The following TCERG1L variants were observed in gnomAD, a reference collection of about 807,000 sequenced individuals.
TCERG1L encodes transcription elongation regulator 1-like protein.
Under a neutral mutation model 56.3 loss-of-function variants are expected in TCERG1L, and 37 were observed. The ratio of observed to expected loss-of-function variants is 0.66; its 90% confidence interval spans 0.51 to 0.87. The LOEUF (loss-of-function observed/expected upper bound fraction) is 0.87. Ranked by LOEUF, TCERG1L falls within the 40% of genes least tolerant of loss-of-function variation. The probability of loss-of-function intolerance (pLI) is 0.00; values close to 1 mark genes in which losing one functional copy is unlikely to be tolerated. For missense variants in TCERG1L, 799 were observed against 774.2 expected, an observed-to-expected ratio of 1.03 and a Z score of -0.38; for synonymous variants, 324 against 326.3, an observed-to-expected ratio of 0.99 and a Z score of 0.08.
chr10:131,122,544 C>G (rs1185396039), intron 8 of TCERG1L, among the ~76,000 whole-genome samples: 2 of 152,224 alleles, frequency 1.3e-5, no homozygotes, highest in African/African-American at 4.8e-5. Context: ...ATACTGGCAG[C>G]AAGACAAATG....
intron 3 of TCERG1L, among the ~76,000 whole-genome samples, chr10:131,306,388 G>T (rs1846818735): frequency 6.6e-6 from 1 of 151,368 alleles, no homozygotes; most frequent in Non-Finnish European, 1.5e-5. Context: ...AATTAAAATT[G>T]TAGGTGTTAT....
chr10:131,288,057 C>T (rs920385412), intron 3 of TCERG1L, among the ~76,000 whole-genome samples: 1 of 152,178 alleles, frequency 6.6e-6, no homozygotes, highest in Non-Finnish European at 1.5e-5. Context: ...TTTGGATGTG[C>T]TTCTCCATAG....
At chr10:131,283,155 G>A (rs1002951039) in intron 3 of TCERG1L, among the ~76,000 whole-genome samples, 3 of 152,250 alleles carry the variant, frequency 2.0e-5, no homozygotes, top group Admixed American at 1.3e-4. Context: ...GGTTCTCTGA[G>A]AGGCTCTCCA....
chr10:131,201,118 C>T (rs146787825), intron 4 of TCERG1L, among the ~76,000 whole-genome samples: 152 of 152,318 alleles, frequency 1.0e-3, no homozygotes, highest in African/African-American at 3.1e-3. Flanking sequence ...ACACATGAAA[C>T]GTGGAGGGGA....
chr10:131,111,054 A>T (rs1428744256), intron 9 of TCERG1L, among the ~76,000 whole-genome samples: 1 of 143,518 alleles, frequency 7.0e-6, no homozygotes, highest in Non-Finnish European at 1.6e-5. Flanking sequence ...AAAAGGGCGA[A>T]AGCTAGCAAA....
At chr10:131,099,485 G>C (rs1285258375) in intron 10 of TCERG1L, among the ~76,000 whole-genome samples, 1 of 152,166 alleles carries the variant, frequency 6.6e-6, no homozygotes, top group African/African-American at 2.4e-5. Context: ...AGTCCACATA[G>C]GATCCTATCA....
intron 10 of TCERG1L, among the ~76,000 whole-genome samples, chr10:131,099,314 A>G (rs1300192552): frequency 6.6e-6 from 1 of 152,270 alleles, no homozygotes; most frequent in Non-Finnish European, 1.5e-5. Flanking sequence ...TGTCAGGGTA[A>G]GATAGATCAT....
chr10:131,121,462 T>A (rs972890610), intron 8 of TCERG1L, among the ~76,000 whole-genome samples: 5 of 152,252 alleles, frequency 3.3e-5, no homozygotes, highest in African/African-American at 1.2e-4. Context: ...TTCATCCTGA[T>A]GAAATATTTA....
chr10:131,259,247 A>G (rs1247256571), intron 4 of TCERG1L, among the ~76,000 whole-genome samples: 1 of 152,242 alleles, frequency 6.6e-6, no homozygotes, highest in Non-Finnish European at 1.5e-5. Flanking sequence ...TCTTTCTACC[A>G]TAAAGTAGTA....
chr10:131,295,102 C>A (rs1449420845), intron 3 of TCERG1L, among the ~76,000 whole-genome samples: 1 of 151,888 alleles, frequency 6.6e-6, no homozygotes, highest in African/African-American at 2.4e-5. Context: ...ATCCTGAATG[C>A]CTTCACTGGC....
At chr10:131,229,958 C>T (rs778759220) in intron 4 of TCERG1L, among the ~76,000 whole-genome samples, 150 of 152,278 alleles carry the variant, frequency 9.9e-4, no homozygotes, top group African/African-American at 1.9e-3. Flanking sequence ...TGTACAAGGA[C>T]GAGGCAGCTT....
intron 4 of TCERG1L, among the ~76,000 whole-genome samples, chr10:131,207,815 G>A (rs1360251829): frequency 1.3e-5 from 2 of 152,138 alleles, no homozygotes; most frequent in South Asian, 2.1e-4. Flanking sequence ...CCGAGCGGGT[G>A]GTCCCTGACA....
rs80221372 is a variant in TCERG1L at position 131,146,148 on chromosome 10, T to C, written c.1189+358A>G. On this transcript the variant is annotated intron_variant, in intron 7 of 11. Coordinates refer to ENST00000368642, the MANE Select transcript of TCERG1L (RefSeq NM_174937.4). The stretch of plus-strand genomic sequence containing the variant: ...TAAGGTGGAAGAAAACACACTCCCA[T>C]CTGCGTACATCTGGTCTCTGAAGTG... 8.5e-5 allele frequency among the ~76,000 whole-genome samples: 13 copies of C among 152,308 alleles called. No homozygotes were observed. In the East Asian group the frequency reaches 1.9e-3, roughly 23 times the overall value.
chr10:131,242,485 G>A (rs936644981), intron 4 of TCERG1L, among the ~76,000 whole-genome samples: 35 of 152,268 alleles, frequency 2.3e-4, no homozygotes, highest in Admixed American at 1.1e-3. Context: ...TGGTCAAGGT[G>A]CGGGTTTCAC....
chr10:131,189,297 G>C (rs1179669232), intron 4 of TCERG1L, among the ~76,000 whole-genome samples: 1 of 152,126 alleles, frequency 6.6e-6, no homozygotes, highest in Admixed American at 6.6e-5. Context: ...CACACAGTGT[G>C]CCCATTACAT....
intron 4 of TCERG1L, among the ~76,000 whole-genome samples, chr10:131,206,065 T>C (rs541546554): frequency 6.6e-6 from 1 of 152,218 alleles, no homozygotes; most frequent in African/African-American, 2.4e-5. Flanking sequence ...GGCAGGAAAA[T>C]GGATGCTGCA....
At chr10:131,124,868 A>T (rs185365093) in intron 8 of TCERG1L, among the ~76,000 whole-genome samples, 1 of 152,214 alleles carries the variant, frequency 6.6e-6, no homozygotes, top group East Asian at 1.9e-4. Context: ...TCTTCATTTC[A>T]TCAACCCTCC....
chr10:131,118,954 T>C lies in TCERG1L; in HGVS notation c.1260-2020A>G, dbSNP rs1481315752. On this transcript the variant is annotated intron_variant, in intron 8 of 11. Transcript: ENST00000368642. This position sits in a 1 kb window ranked among gnomAD's most constrained non-coding sequence, Gnocchi z 4.2. ...AGTGGAGAGCCGGGATGCTGTGAAA[T>C]GTCCTGCAATGCACAGGACAGCCCC... Among the ~76,000 whole-genome samples, 3 of 152,168 alleles carry C rather than the reference T, an allele frequency of 2.0e-5. No homozygotes were observed. The highest frequency in any genetic ancestry group is 4.4e-5 in the Non-Finnish European group (3 of 68,034).
chr10:131,093,897 T>A (rs1021667959), intron 11 of TCERG1L, among the ~76,000 whole-genome samples: 12 of 152,136 alleles, frequency 7.9e-5, no homozygotes, highest in African/African-American at 2.9e-4. Context: ...GACTCCCACA[T>A]TCGAATGAGG....
Sources: gnomAD v4.1 joint callset for allele counts (sites outside exome capture counted in the v4.1 genomes callset) on GRCh38, gnomAD v4.1.1 for gene constraint, Gnocchi (gnomAD v3.1) non-coding constraint, MANE v1.5 for transcripts, NCBI Gene and HGNC (gene_info 2026-07-23, HGNC 2026-07-21) for gene names.